The following PREX2 variants were observed in gnomAD, a reference collection of about 807,000 sequenced individuals.
PREX2 encodes phosphatidylinositol 3,4,5-trisphosphate-dependent Rac exchanger 2 protein.
Under a neutral mutation model 203.2 loss-of-function variants are expected in PREX2, and 107 were observed. The observed-to-expected ratio is 0.53, with a 90% CI of 0.45 to 0.62. The LOEUF (loss-of-function observed/expected upper bound fraction) is 0.62, where lower values mean the gene tolerates loss of function less well. PREX2 is among the 20% of genes least tolerant of loss of function. The pLI, the probability that PREX2 is intolerant of heterozygous loss-of-function variation, is 0.00. For missense variants in PREX2, 1,777 were observed against 1,955.9 expected (o/e 0.91, Z 1.72); for synonymous variants, 672 against 663.6 (o/e 1.01, Z -0.19).
intron 1 of PREX2, among the ~76,000 whole-genome samples, chr8:67,995,209 T>C (rs1224447073): frequency 6.6e-6 from 1 of 152,106 alleles, no homozygotes; most frequent in Non-Finnish European, 1.5e-5. Context: ...ATCACTTGAG[T>C]TTTCATGATT....
At chr8:68,030,443 C>T in intron 5 of PREX2, 54 bp from the exon 6 acceptor site, 1 of 1,573,622 alleles carries the variant, frequency 6.4e-7, no homozygotes, top group South Asian at 1.2e-5. Flanking sequence ...TCTGAACCTG[C>T]TGTACCAGAA....
At chr8:68,197,745 C>CTA (rs1026575955) in intron 37 of PREX2, among the ~76,000 whole-genome samples, 11 of 146,222 alleles carry the variant, frequency 7.5e-5, no homozygotes, top group South Asian at 4.3e-4. Context: ...AATATATATG[C>CTA]TATATATATA....
chr8:68,035,630 G>T (rs1379607548), intron 6 of PREX2, among the ~76,000 whole-genome samples: 1 of 152,150 alleles, frequency 6.6e-6, no homozygotes, highest in African/African-American at 2.4e-5. Flanking sequence ...GCTGTAAGCT[G>T]CTGTGTTAGG....
At chr8:68,219,540 T>A (rs528037088) in intron 38 of PREX2, among the ~76,000 whole-genome samples, 20 of 152,326 alleles carry the variant, frequency 1.3e-4, no homozygotes, top group Middle Eastern at 3.4e-3. Context: ...CGAATTTTTT[T>A]AAAAAATGAA....
intron 8 of PREX2, among the ~76,000 whole-genome samples, chr8:68,048,292 T>A (rs1808427313): frequency 6.6e-6 from 1 of 152,110 alleles, no homozygotes; most frequent in African/African-American, 2.4e-5. Flanking sequence ...ATTTTTATAG[T>A]GCATGACTGG....
chr8:68,039,246 A>G (rs1432025020), intron 7 of PREX2, among the ~76,000 whole-genome samples: 1 of 152,004 alleles, frequency 6.6e-6, no homozygotes, highest in African/African-American at 2.4e-5. Flanking sequence ...TCCTCCACTG[A>G]GCTACTCCTA....
chr8:68,048,260 C>T lies in PREX2; in HGVS notation c.943+3670C>T, dbSNP rs369362043. ...CAATAGTTGGAAAGCTATTGAACTTCCTAGAATTAATTTTCATGGTAATTT... is the reference window on the plus strand; with the variant it reads ...CAATAGTTGGAAAGCTATTGAACTTTCTAGAATTAATTTTCATGGTAATTT... On this transcript the variant is annotated intron_variant, in intron 8 of 39. Transcript: ENST00000288368. Among the ~76,000 whole-genome samples, 4 of 152,100 alleles carry T rather than the reference C, an allele frequency of 2.6e-5. 1 individual carries two copies. Among genetic ancestry groups the T allele is most frequent in the East Asian group, 1.9e-4 (1 of 5,164 alleles).
intron 38 of PREX2, among the ~76,000 whole-genome samples, chr8:68,221,402 T>C (rs1458985846): frequency 1.3e-5 from 2 of 152,200 alleles, no homozygotes; most frequent in African/African-American, 4.8e-5. Context: ...TCTTAGCCTC[T>C]TTGGTACTTA....
intron 1 of PREX2, among the ~76,000 whole-genome samples, chr8:68,016,914 G>C (rs1451623307): frequency 6.6e-6 from 1 of 152,156 alleles, no homozygotes; most frequent in African/African-American, 2.4e-5. Context: ...ATACTGGCTG[G>C]AAATACCCAT....
intron 37 of PREX2, among the ~76,000 whole-genome samples, chr8:68,208,255 G>A (rs10504422): frequency 0.067 from 10,219 of 152,146 alleles, 463 homozygotes; most frequent in Non-Finnish European, 0.1. Flanking sequence ...TTAACACACT[G>A]AACTGTACAC....
chr8:68,133,572 CT>C lies in PREX2; in HGVS notation c.3767-482del, dbSNP rs542797538. ...TGCAAACAATTGAACATCGTATACT[CT>C]TTTTCCCCATGTGTATTTCACATTA... On this transcript the variant is annotated intron_variant, in intron 31 of 39. Transcript: ENST00000288368. 7.5e-3 allele frequency among the ~76,000 whole-genome samples: 1,148 copies of C among 152,260 alleles called. 5 individuals carry two copies. Among genetic ancestry groups the C allele is most frequent in the African/African-American group, 0.01 (423 of 41,548 alleles).
At chr8:68,104,507 C>T (rs576253047) in intron 23 of PREX2, among the ~76,000 whole-genome samples, 2 of 152,328 alleles carry the variant, frequency 1.3e-5, no homozygotes, top group Non-Finnish European at 2.9e-5. Context: ...TAACTTTCCA[C>T]TCCTTCCAGA....
intron 20 of PREX2, among the ~76,000 whole-genome samples, chr8:68,093,395 A>C (rs1287451427): frequency 1.3e-5 from 2 of 149,594 alleles, no homozygotes; most frequent in African/African-American, 5.0e-5. Context: ...CATCTCAAAA[A>C]AAAAAAAAAA....
At chr8:67,959,234 TG>T (rs1805567392) in intron 1 of PREX2, among the ~76,000 whole-genome samples, 1 of 152,094 alleles carries the variant, frequency 6.6e-6, no homozygotes, top group African/African-American at 2.4e-5. Context: ...CTCTTTAAAG[TG>T]GCAGGACTTG....
intron 35 of PREX2, among the ~76,000 whole-genome samples, chr8:68,169,858 G>A (rs1811840553): frequency 6.6e-6 from 1 of 152,112 alleles, no homozygotes. Flanking sequence ...CGATGTTCAG[G>A]AGATCTTCAT....
At chr8:68,008,872 G>T (rs1245923336) in intron 1 of PREX2, among the ~76,000 whole-genome samples, 1 of 152,180 alleles carries the variant, frequency 6.6e-6, no homozygotes, top group Non-Finnish European at 1.5e-5. Context: ...CTCCCCAGCT[G>T]TGTGGAACTG....
chr8:68,191,088 G>A (rs1422208165), intron 35 of PREX2, among the ~76,000 whole-genome samples: 1 of 152,064 alleles, frequency 6.6e-6, no homozygotes, highest in Non-Finnish European at 1.5e-5. Context: ...AAGTGTATTA[G>A]GCCACTAGGA....
At chr8:68,038,734 C>T (rs1409922926) in intron 7 of PREX2, among the ~76,000 whole-genome samples, 5 of 152,122 alleles carry the variant, frequency 3.3e-5, no homozygotes, top group Admixed American at 2.0e-4. Flanking sequence ...TTATAGAACA[C>T]GTAATATCTC....
chr8:68,212,914 C>T (rs766342603), intron 37 of PREX2, among the ~76,000 whole-genome samples: 13 of 152,212 alleles, frequency 8.5e-5, no homozygotes, highest in Non-Finnish European at 1.5e-4. Context: ...GAGAATATGC[C>T]ACAGAGTAGT....
Sources: allele counts gnomAD v4.1 joint callset (sites outside exome capture counted in the v4.1 genomes callset), GRCh38; gene constraint gnomAD v4.1.1; transcripts MANE v1.5; gene names NCBI Gene and HGNC (gene_info 2026-07-23, HGNC 2026-07-21).